NEGR1: variants seen among roughly 807,000 people sequenced by gnomAD.
The protein encoded by NEGR1 is neuronal growth regulator 1.
A neutral mutation model predicts 40.9 loss-of-function variants in NEGR1; 10 were observed. The ratio of observed to expected loss-of-function variants is 0.24; its 90% CI spans 0.15 to 0.42. The LOEUF (loss-of-function observed/expected upper bound fraction) is 0.42. NEGR1 is among the 10% of genes least tolerant of loss of function. The pLI, the probability that NEGR1 is intolerant of heterozygous loss-of-function variation, is 1.00. For missense variants in NEGR1, 352 were observed against 438.9 expected (o/e 0.80, Z 1.77); for synonymous variants, 185 against 166.8 (o/e 1.11, Z -0.84).
intron 6 of NEGR1, among the ~76,000 whole-genome samples, chr1:71,416,216 T>TTA (rs1252844979): frequency 6.6e-6 from 1 of 152,204 alleles, no homozygotes; most frequent in South Asian, 2.1e-4. Context: ...TTTTATGATC[T>TTA]TATACATGTG....
intron 6 of NEGR1, among the ~76,000 whole-genome samples, chr1:71,551,271 G>A (rs544825224): frequency 2.0e-5 from 3 of 151,620 alleles, no homozygotes; most frequent in African/African-American, 4.8e-5. Flanking sequence ...TTTGGGGTAC[G>A]TACTTTCAAT....
intron 4 of NEGR1, among the ~76,000 whole-genome samples, chr1:71,674,020 C>A (rs116643616): frequency 6.6e-6 from 1 of 151,862 alleles, no homozygotes; most frequent in Non-Finnish European, 1.5e-5. Context: ...TGGTATTTAA[C>A]GTGAAAAATA....
chr1:71,626,339 C>T (rs1045455406), intron 4 of NEGR1, among the ~76,000 whole-genome samples: 2 of 151,544 alleles, frequency 1.3e-5, no homozygotes, highest in African/African-American at 2.4e-5. Flanking sequence ...TTAGGTATAT[C>T]TCTTAATGCT....
chr1:71,833,974 C>T (rs914758032), intron 2 of NEGR1, among the ~76,000 whole-genome samples: 1 of 152,064 alleles, frequency 6.6e-6, no homozygotes, highest in African/African-American at 2.4e-5. Context: ...AAATTAATTG[C>T]ATAATAGTGC....
At chr1:72,013,192 T>C (rs991466030) in intron 1 of NEGR1, among the ~76,000 whole-genome samples, 1 of 152,036 alleles carries the variant, frequency 6.6e-6, no homozygotes, top group Admixed American at 6.6e-5. Context: ...TAATTCTCTT[T>C]GGAATTTGAA....
intron 6 of NEGR1, among the ~76,000 whole-genome samples, chr1:71,562,847 C>T (rs1472281903): frequency 6.6e-6 from 1 of 151,892 alleles, no homozygotes; most frequent in African/African-American, 2.4e-5. Flanking sequence ...ATGTGTCTTC[C>T]TCATTCTAGG....
chr1:71,822,624 C>A (rs1468339378), intron 2 of NEGR1, among the ~76,000 whole-genome samples: 1 of 151,920 alleles, frequency 6.6e-6, no homozygotes, highest in Non-Finnish European at 1.5e-5. Context: ...CACATGAGGG[C>A]AGGTTGACTG....
intron 6 of NEGR1, among the ~76,000 whole-genome samples, chr1:71,471,940 T>C (rs1215866088): frequency 1.3e-5 from 2 of 152,114 alleles, no homozygotes; most frequent in Non-Finnish European, 2.9e-5. Context: ...CTTTCTTATC[T>C]TATTCTCTAT....
At chr1:71,412,312 A>T (rs1298821789) in intron 6 of NEGR1, among the ~76,000 whole-genome samples, 2 of 152,108 alleles carry the variant, frequency 1.3e-5, no homozygotes, top group African/African-American at 2.4e-5. Context: ...CTTTGCACTT[A>T]TTAAAGTCCT....
At chr1:72,143,930 T>TATATAAAAA (rs372978582) in intron 1 of NEGR1, among the ~76,000 whole-genome samples, 26,795 of 140,304 alleles carry the variant, frequency 0.19, 3,129 homozygotes, top group South Asian at 0.27. Flanking sequence ...TATATATATA[T>TATATAAAAA]ATATATATAT....
chr1:71,611,416 A>G (rs1301463428), intron 4 of NEGR1, among the ~76,000 whole-genome samples: 1 of 152,180 alleles, frequency 6.6e-6, no homozygotes, highest in Non-Finnish European at 1.5e-5. Context: ...GAAAAATGGC[A>G]TTGGTGAGGG....
intron 2 of NEGR1, among the ~76,000 whole-genome samples, chr1:71,848,962 C>T (rs764592726): frequency 6.6e-5 from 10 of 151,850 alleles, no homozygotes; most frequent in Non-Finnish European, 1.0e-4. Flanking sequence ...TGGGGGCGCA[C>T]GCCTATAATC....
In NEGR1 at chr1:71,779,660, C is replaced by T. The variant is rs1036548817; in HGVS notation, c.410-3363G>A. Among the ~76,000 whole-genome samples the T allele has an allele frequency of 4.6e-5, 7 of 152,012 alleles. No homozygotes were observed. The East Asian group carries it at 7.8e-4, about 17-fold the overall frequency. ...TCCGCTCACTGCAACTCCTGCCTCT[C>T]GGGTTGAAGTGATTCTCCTGCCTCA... On this transcript the variant is annotated intron_variant, in intron 2 of 6. Transcript: ENST00000357731.
At chr1:71,614,630 T>C (rs1312598917) in intron 4 of NEGR1, among the ~76,000 whole-genome samples, 1 of 152,130 alleles carries the variant, frequency 6.6e-6, no homozygotes, top group African/African-American at 2.4e-5. Context: ...GAAATAACCA[T>C]ATGCAACAGG....
chr1:71,810,003 C>T (rs1047245100), intron 2 of NEGR1, among the ~76,000 whole-genome samples: 16 of 152,094 alleles, frequency 1.1e-4, no homozygotes, highest in African/African-American at 3.9e-4. Flanking sequence ...TTTTTATTAT[C>T]AGTGAACTGC....
chr1:71,854,549 T>C (rs1326694146), intron 2 of NEGR1, among the ~76,000 whole-genome samples: 1 of 152,110 alleles, frequency 6.6e-6, no homozygotes, highest in Non-Finnish European at 1.5e-5. Context: ...ATTAGTCCAC[T>C]CTGATGCTGC....
intron 6 of NEGR1, among the ~76,000 whole-genome samples, chr1:71,587,813 T>C (rs1466232877): frequency 6.6e-6 from 1 of 152,066 alleles, no homozygotes; most frequent in Non-Finnish European, 1.5e-5. Context: ...ATATTATCAT[T>C]ACCTATTTTG....
At chr1:71,549,926 C>G (rs544313263) in intron 6 of NEGR1, among the ~76,000 whole-genome samples, 2 of 151,736 alleles carry the variant, frequency 1.3e-5, no homozygotes, top group African/African-American at 4.8e-5. Flanking sequence ...CTATTGAATG[C>G]ATGTCTAATC....
At chr1:71,819,412 T>A (rs966540567) in intron 2 of NEGR1, among the ~76,000 whole-genome samples, 5 of 151,824 alleles carry the variant, frequency 3.3e-5, no homozygotes, top group African/African-American at 1.2e-4. Flanking sequence ...CTATTTAATA[T>A]CCTTAGAGAG....
Sources: gnomAD v4.1 joint callset for allele counts (sites outside exome capture counted in the v4.1 genomes callset) on GRCh38, gnomAD v4.1.1 for gene constraint, MANE v1.5 for transcripts, NCBI Gene and HGNC (gene_info 2026-07-23, HGNC 2026-07-21) for gene names.